Variants in ACER1 observed in about 807,000 individuals in gnomAD.
ACER1 encodes the protein CTB-180A7.3.
A neutral mutation model predicts 24.9 loss-of-function variants in ACER1; 28 were observed. That is an observed-to-expected ratio of 1.13 (90% CI 0.83 to 1.54). The LOEUF (loss-of-function observed/expected upper bound fraction) is 1.54, where lower values mean the gene tolerates loss of function less well. ACER1 is among the 40% of genes most tolerant of loss of function. The probability of loss-of-function intolerance (pLI) is 0.00; values close to 1 mark genes in which losing one functional copy is unlikely to be tolerated. For synonymous variants in ACER1, 132 were observed against 131.4 expected (o/e 1.00, Z -0.03); for missense variants, 352 against 349.3 (o/e 1.01, Z -0.06).
At position 6,312,353 on chromosome 19, in the gene ACER1, G is replaced by A. The variant is rs113141408; in HGVS notation, c.208+32C>T. Reference sequence around the variant, plus strand: ...ACCTCCTAAACCCCCACTGCCTCCCGACTGTCACAGACCTGAACCACACCT... The same window carrying A: ...ACCTCCTAAACCCCCACTGCCTCCCAACTGTCACAGACCTGAACCACACCT... On this transcript the variant is annotated intron_variant, in intron 2 of 5. Coordinates refer to ENST00000301452, the MANE Select transcript of ACER1 (RefSeq NM_133492.3). The A allele has an allele frequency of 5.5e-3, 8,872 of 1,613,792 alleles. 432 individuals carry two copies. The African/African-American group carries it at 0.11, about 19-fold the overall frequency.
intron 3 of ACER1, 64 bp downstream of exon 3, chr19:6,312,085 G>A: frequency 6.4e-7 from 1 of 1,569,690 alleles, no homozygotes; most frequent in South Asian, 1.2e-5. Context: ...ACTCAGGTGA[G>A]CTCATGTAGA....
At chr19:6,309,910 T>C in intron 3 of ACER1, 76 bp from the exon 4 acceptor site, 2 of 1,571,892 alleles carry the variant, frequency 1.3e-6, no homozygotes, top group South Asian at 1.1e-5. Context: ...GGAGATCCCG[T>C]GGCCCAGGTG....
At position 6,333,571 on chromosome 19, in the gene ACER1, C is replaced by G. The variant is rs537709272; in HGVS notation, c.-20G>C. 3 of 1,560,040 alleles carry G rather than the reference C, an allele frequency of 1.9e-6. No individual in the cohort carries two copies. Among genetic ancestry groups the G allele is most frequent in the South Asian group, 2.4e-5 (2 of 85,096 alleles). On this transcript the variant is annotated 5_prime_UTR_variant, in exon 1 of 6. Transcript: ENST00000301452. ...AGGCATCTTGTCTCAGTGGCCACCA[C>G]CAGCCGGCTGCGCCCGGCAGAGAGA...
At chr19:6,321,822 G>T (rs12459766) in intron 1 of ACER1, among the ~76,000 whole-genome samples, 1 of 151,996 alleles carries the variant, frequency 6.6e-6, no homozygotes, top group Admixed American at 6.6e-5. Flanking sequence ...ATGTTGGCCA[G>T]GCTGGTCTCG....
chr19:6,313,156 G>A (rs943091965), intron 1 of ACER1, among the ~76,000 whole-genome samples: 3 of 151,718 alleles, frequency 2.0e-5, no homozygotes, highest in Non-Finnish European at 4.4e-5. Flanking sequence ...CTTGCTGTCT[G>A]CTGCCAGGCT....
intron 4 of ACER1, among the ~76,000 whole-genome samples, chr19:6,308,536 A>G (rs2091562682): frequency 6.6e-6 from 1 of 151,784 alleles, no homozygotes; most frequent in African/African-American, 2.4e-5. Context: ...ACCCCACCCC[A>G]TGGTTACACA....
intron 1 of ACER1, among the ~76,000 whole-genome samples, chr19:6,333,103 C>G: frequency 6.6e-6 from 1 of 152,100 alleles, no homozygotes; most frequent in South Asian, 2.1e-4. Context: ...TGGCCCACCC[C>G]CTCTAGCTCA....
chr19:6,358,967 G>A, the ACER1 span, among the ~76,000 whole-genome samples: 2 of 148,300 alleles, frequency 1.3e-5, no homozygotes, highest in African/African-American at 2.6e-5. Flanking sequence ...AGCTGGGCAT[G>A]ATGGTTCATG....
chr19:6,355,423 T>C, the ACER1 span, among the ~76,000 whole-genome samples: 9 of 128,564 alleles, frequency 7.0e-5, no homozygotes, highest in South Asian at 2.6e-4. Flanking sequence ...GTGAGGAGCG[T>C]CTCTGCCCAG....
At chr19:6,336,221 G>A (rs2091713746), upstream of ACER1, among the ~76,000 whole-genome samples, 1 of 151,894 alleles carries the variant, frequency 6.6e-6, no homozygotes, top group Non-Finnish European at 1.5e-5. Context: ...TTTTGAGACA[G>A]GGTCTTGCTC....
chr19:6,334,150 T>C (rs2091703488), upstream of ACER1, among the ~76,000 whole-genome samples: 1 of 151,228 alleles, frequency 6.6e-6, no homozygotes, highest in South Asian at 2.1e-4. Flanking sequence ...GTTCACGCCA[T>C]TCTCCCGCCT....
At chr19:6,343,968 T>C in the ACER1 span, 1 of 152,138 alleles carries the variant, frequency 6.6e-6, no homozygotes, top group Admixed American at 6.6e-5. Flanking sequence ...CTGCCTGCAA[T>C]AGCAAAACCA....
intron 1 of ACER1, among the ~76,000 whole-genome samples, chr19:6,324,861 A>AAGGAAGGGAGGGAGGG (rs1555716052): frequency 9.7e-5 from 1 of 10,334 alleles, no homozygotes; most frequent in African/African-American, 2.2e-4. Flanking sequence ...GAGAGAGAGA[A>AAGGAAGGGAGGGAGGG]AGGAAGGAAG....
chr19:6,324,540 C>G (rs773724881), intron 1 of ACER1, among the ~76,000 whole-genome samples: 2 of 149,986 alleles, frequency 1.3e-5, no homozygotes, highest in South Asian at 4.2e-4. Flanking sequence ...GGCAGATCAC[C>G]TGAGGTCGGG....
chr19:6,359,974 TTAGA>T, the ACER1 span, among the ~76,000 whole-genome samples: 12 of 152,190 alleles, frequency 7.9e-5, no homozygotes, highest in African/African-American at 2.9e-4. Flanking sequence ...TGGGCACCTC[TTAGA>T]TAGTGACATT....
upstream of ACER1, among the ~76,000 whole-genome samples, chr19:6,337,736 C>T (rs1423235153): frequency 1.6e-4 from 19 of 121,278 alleles, no homozygotes; most frequent in East Asian, 4.3e-3. Context: ...AGTGCAGTGG[C>T]TCGATCTTGG....
At chr19:6,322,165 C>T (rs1156471448) in intron 1 of ACER1, among the ~76,000 whole-genome samples, 1 of 152,124 alleles carries the variant, frequency 6.6e-6, no homozygotes, top group African/African-American at 2.4e-5. Context: ...TGTAATTATC[C>T]AACTTACGGC....
chr19:6,315,267 G>A (rs373983741), intron 1 of ACER1, among the ~76,000 whole-genome samples: 3 of 151,872 alleles, frequency 2.0e-5, no homozygotes, highest in East Asian at 3.9e-4. Context: ...GCAGTGACAC[G>A]ATCATGGGTC....
chr19:6,323,185 C>T (rs2091639930), intron 1 of ACER1, among the ~76,000 whole-genome samples: 1 of 151,738 alleles, frequency 6.6e-6, no homozygotes, highest in African/African-American at 2.4e-5. Context: ...CTTTGGGAGG[C>T]CAAGGCAGGC....
Sources: allele counts gnomAD v4.1 joint callset (sites outside exome capture counted in the v4.1 genomes callset), GRCh38; gene constraint gnomAD v4.1.1; transcripts MANE v1.5; gene names NCBI Gene and HGNC (gene_info 2026-07-23, HGNC 2026-07-21).